The following GLI3 variants were observed in gnomAD, a reference collection of about 807,000 sequenced individuals.
GLI3 encodes the protein transcription activator GLI3.
GLI3 carries 20 observed loss-of-function variants against 100.8 expected under a neutral mutation model. That is an observed-to-expected ratio of 0.20 (90% CI 0.14 to 0.29). The LOEUF (loss-of-function observed/expected upper bound fraction) is 0.29. Ranked by LOEUF, GLI3 falls within the 10% of genes least tolerant of loss-of-function variation. The pLI, the probability that GLI3 is intolerant of heterozygous loss-of-function variation, is 1.00. For missense variants in GLI3, 2,040 were observed against 2,128.5 expected (o/e 0.96, Z 0.82); for synonymous variants, 938 against 860.5 (o/e 1.09, Z -1.58).
chr7:42,125,501 T>C (rs1295676926), intron 3 of GLI3, among the ~76,000 whole-genome samples: 1 of 152,226 alleles, frequency 6.6e-6, no homozygotes, highest in African/African-American at 2.4e-5. Flanking sequence ...TGTGATTGTC[T>C]TGAACTGCCA....
chr7:42,133,646 A>AG, intron 3 of GLI3, among the ~76,000 whole-genome samples: 1 of 151,616 alleles, frequency 6.6e-6, no homozygotes, highest in Middle Eastern at 3.4e-3. Flanking sequence ...AGCAGCAGAA[A>AG]AAAAAAAAAA....
At chr7:42,149,453 C>A (rs907413226) in intron 2 of GLI3, among the ~76,000 whole-genome samples, 2 of 152,188 alleles carry the variant, frequency 1.3e-5, no homozygotes, top group African/African-American at 4.8e-5. Flanking sequence ...AGAACCCATG[C>A]ATAAAATTAA....
intron 4 of GLI3, among the ~76,000 whole-genome samples, chr7:42,054,719 C>G (rs917437112): frequency 3.3e-5 from 5 of 151,994 alleles, no homozygotes; most frequent in African/African-American, 1.2e-4. Context: ...TGCAGTGGCT[C>G]CTGCCTTTAA....
chr7:42,243,635 G>A (rs1487094707), intron 1 of GLI3, among the ~76,000 whole-genome samples: 4 of 152,186 alleles, frequency 2.6e-5, no homozygotes, highest in Admixed American at 2.0e-4. Flanking sequence ...AAATAAAGGA[G>A]TGGATCTACT....
At chr7:42,132,440 C>T (rs1332721409) in intron 3 of GLI3, among the ~76,000 whole-genome samples, 1 of 152,082 alleles carries the variant, frequency 6.6e-6, no homozygotes, top group Non-Finnish European at 1.5e-5. Context: ...TTAACTTGTA[C>T]ATGATAATTG....
chr7:42,105,755 T>A (rs988705321), intron 3 of GLI3, among the ~76,000 whole-genome samples: 1 of 152,098 alleles, frequency 6.6e-6, no homozygotes, highest in Non-Finnish European at 1.5e-5. Context: ...AGTGCTAGCC[T>A]CGGGGGAACC....
At chr7:42,034,772 A>T (rs1359383604) in intron 7 of GLI3, among the ~76,000 whole-genome samples, 2 of 152,070 alleles carry the variant, frequency 1.3e-5, no homozygotes. Context: ...TACAGCACTG[A>T]CCAGAACCCT....
chr7:41,966,270 C>T lies in GLI3; in HGVS notation c.2803G>A (p.Ala935Thr), dbSNP rs148276775. ...QQYRLKAKYA[A>T]ATGGPPPTPL... Reference sequence around the variant, plus strand: ...GTCGGCGGCGGCCCTCCTGTGGCAGCCGCGTACTTGGCCTTGAGGCGGTAC... The same window carrying T: ...GTCGGCGGCGGCCCTCCTGTGGCAGTCGCGTACTTGGCCTTGAGGCGGTAC... The change falls in exon 15 of 15, where the codon GCT becomes ACT. Residue 935 changes from alanine to threonine, a missense_variant. By Grantham distance (58) the Ala-to-Thr change is moderately conservative. Around this residue, in one of 5 missense-constraint regions of GLI3, gnomAD observed 1,041 missense variants for 924.0 expected, o/e 1.13. Coordinates refer to ENST00000395925, the MANE Select transcript of GLI3 (RefSeq NM_000168.6). This position sits in a 1 kb window ranked among gnomAD's most constrained non-coding sequence, Gnocchi z 5.8. 50 of 1,607,842 alleles carry T rather than the reference C, an allele frequency of 3.1e-5. No homozygotes were observed. The African/African-American group carries it at 6.1e-4, about 20-fold the overall frequency.
At chr7:42,051,934 T>C (rs140385685) in intron 4 of GLI3, among the ~76,000 whole-genome samples, 4 of 152,296 alleles carry the variant, frequency 2.6e-5, no homozygotes, top group Non-Finnish European at 4.4e-5. Context: ...ACCGTTACAG[T>C]ATCATACAGA....
intron 2 of GLI3, chr7:42,172,451 A>T: frequency 1.6e-6 from 1 of 638,828 alleles, no homozygotes. Context: ...ATGAAAAAGG[A>T]TAAACTTTTT....
rs573648950 is a variant in GLI3, at chr7:41,962,950, T to C, written c.*1380A>G. The C allele has an allele frequency of 2.6e-5, 4 of 152,246 alleles. No individual in the cohort carries two copies. The highest frequency in any genetic ancestry group is 1.3e-4 in the Admixed American group (2 of 15,282). 9.4% of individuals were successfully genotyped at this position (152,246 alleles called of 1,614,324 possible). A position where few individuals can be genotyped will look rare whatever the true frequency, so the allele number is the denominator to read the frequency against. The stretch of plus-strand genomic sequence containing the variant: ...GTGCACACACAGTATGACTTTTATG[T>C]GTATCAAATGCACGTGGGGAGTAGC... On this transcript the variant is annotated 3_prime_UTR_variant, in exon 15 of 15. Transcript: ENST00000395925.
At chr7:42,028,392 T>C (rs906939379) in intron 7 of GLI3, among the ~76,000 whole-genome samples, 1 of 152,100 alleles carries the variant, frequency 6.6e-6, no homozygotes, top group Non-Finnish European at 1.5e-5. Context: ...ATAGAGACCA[T>C]TCAGAAAACA....
chr7:42,014,383 CA>C (rs1788698515), intron 10 of GLI3, among the ~76,000 whole-genome samples: 3 of 152,178 alleles, frequency 2.0e-5, no homozygotes, highest in Admixed American at 6.5e-5. Flanking sequence ...ACTCTTCAAC[CA>C]AAAAGCATAA....
At chr7:41,973,345 A>G (rs1284423577) in intron 12 of GLI3, among the ~76,000 whole-genome samples, 2 of 152,234 alleles carry the variant, frequency 1.3e-5, no homozygotes, top group Non-Finnish European at 2.9e-5. Flanking sequence ...TCTGGGGACC[A>G]GGATTTCTGG....
Position 42,153,724 on chromosome 7 carries a change from G to A in GLI3, c.125-5256C>T, listed in dbSNP as rs562961835. On this transcript the variant is annotated intron_variant, in intron 2 of 14. Transcript: ENST00000395925. ...ATATTGAATGATATAATAAAGTCAC[G>A]TTCAAATGAATTAAAATACAGGACT... 2.8e-4 allele frequency among the ~76,000 whole-genome samples: 42 copies of A among 152,258 alleles called. No homozygotes were observed. In the Middle Eastern group the frequency reaches 0.01, roughly 37 times the overall value.
At chr7:42,174,300 C>A (rs1467942899) in intron 2 of GLI3, among the ~76,000 whole-genome samples, 2 of 152,126 alleles carry the variant, frequency 1.3e-5, no homozygotes, top group African/African-American at 4.8e-5. Context: ...ATAAATATTT[C>A]TTTTGACGTT....
chr7:42,069,366 T>C (rs1284697358), intron 4 of GLI3, among the ~76,000 whole-genome samples: 1 of 152,216 alleles, frequency 6.6e-6, no homozygotes, highest in Non-Finnish European at 1.5e-5. Flanking sequence ...GATCTGGATT[T>C]ATGTGCCCGC....
intron 4 of GLI3, among the ~76,000 whole-genome samples, chr7:42,072,691 G>A (rs190131981): frequency 6.6e-5 from 10 of 152,232 alleles, no homozygotes; most frequent in Admixed American, 2.0e-4. Context: ...CCTCGAGTTA[G>A]GGAAGGAACA....
chr7:42,257,738 TG>T (rs1789099809), intron 1 of GLI3, among the ~76,000 whole-genome samples: 1 of 151,634 alleles, frequency 6.6e-6, no homozygotes, highest in African/African-American at 2.4e-5. Flanking sequence ...GTTTGCTGAT[TG>T]TTTTTTAAAA....
Sources: gnomAD v4.1 joint callset for allele counts (sites outside exome capture counted in the v4.1 genomes callset) on GRCh38, gnomAD v4.1.1 for gene constraint, gnomAD v4.1.1 regional missense constraint, Gnocchi (gnomAD v3.1) non-coding constraint, MANE v1.5 for transcripts, NCBI Gene and HGNC (gene_info 2026-07-23, HGNC 2026-07-21) for gene names.